Variants in DLG2 observed in about 807,000 individuals in gnomAD.
DLG2 encodes the protein discs large MAGUK scaffold protein 2.
DLG2 carries 45 observed loss-of-function variants against 132.5 expected under a neutral mutation model. The observed-to-expected ratio is 0.34, with a 90% CI of 0.27 to 0.44. The LOEUF is 0.44. Ranked by LOEUF, DLG2 falls within the 20% of genes least tolerant of loss-of-function variation. DLG2 has a pLI of 1.00. For missense variants in DLG2, 1,045 were observed against 1,196.9 expected (o/e 0.87, Z 1.87); for synonymous variants, 424 against 419.6 (o/e 1.01, Z -0.13).
chr11:84,411,680 G>T (rs2098905339), intron 7 of DLG2, among the ~76,000 whole-genome samples: 1 of 152,072 alleles, frequency 6.6e-6, no homozygotes, highest in Non-Finnish European at 1.5e-5. Context: ...ATTTTGTAAG[G>T]TGCAGAGAAC....
At position 84,543,491 on chromosome 11, in the gene DLG2, G is replaced by A. The variant is rs547017459; in HGVS notation, c.358-8760C>T. Among the ~76,000 whole-genome samples the A allele has an allele frequency of 1.1e-4, 17 of 152,076 alleles. No individual in the cohort carries two copies. The South Asian group carries it at 3.5e-3, about 32-fold the overall frequency. ...TTTACATTTATTTCTGTGATGATTC[G>A]CTGGATGTTTGTCTCCTCCACTGAA... is the stretch of plus-strand genomic sequence containing the variant. On this transcript the variant is annotated intron_variant, in intron 6 of 27. Coordinates refer to ENST00000376104, the MANE Select transcript of DLG2 (RefSeq NM_001142699.3).
intron 3 of DLG2, among the ~76,000 whole-genome samples, chr11:85,562,361 T>C (rs1055449142): frequency 4.0e-5 from 6 of 151,714 alleles, no homozygotes; most frequent in Non-Finnish European, 7.4e-5. Flanking sequence ...GAAGAGAAAA[T>C]GAGAGAAGGG....
chr11:83,899,181 A>T (rs1192426799), intron 15 of DLG2, among the ~76,000 whole-genome samples: 1 of 151,782 alleles, frequency 6.6e-6, no homozygotes, highest in African/African-American at 2.4e-5. Flanking sequence ...TTAGCCTATC[A>T]AGGGCATATC....
chr11:84,031,465 G>T (rs1258567023), intron 11 of DLG2, among the ~76,000 whole-genome samples: 1 of 152,142 alleles, frequency 6.6e-6, no homozygotes, highest in Non-Finnish European at 1.5e-5. Flanking sequence ...GCCTGAGATT[G>T]TATCAAAAGG....
chr11:84,229,660 C>T (rs1033976774), intron 8 of DLG2, among the ~76,000 whole-genome samples: 1 of 152,162 alleles, frequency 6.6e-6, no homozygotes. Flanking sequence ...GGTTTGAAGA[C>T]CCCTCTCTCA....
intron 6 of DLG2, among the ~76,000 whole-genome samples, chr11:84,908,581 G>A (rs1338190363): frequency 1.3e-5 from 2 of 151,928 alleles, no homozygotes; most frequent in Non-Finnish European, 2.9e-5. Context: ...TTCTCAGAAA[G>A]TTTCCCCTGT....
chr11:84,766,405 T>G (rs896454368), intron 6 of DLG2, among the ~76,000 whole-genome samples: 2 of 152,026 alleles, frequency 1.3e-5, no homozygotes, highest in African/African-American at 4.8e-5. Flanking sequence ...TTCTTTTTTC[T>G]TATCATCGCT....
chr11:84,626,868 T>TATTTTATTTTATTTTA (rs1374631524), intron 6 of DLG2, among the ~76,000 whole-genome samples: 1 of 146,888 alleles, frequency 6.8e-6, no homozygotes, highest in African/African-American at 2.6e-5. Context: ...TATTTTATTT[T>TATTTTATTTTATTTTA]ATTTTATTTT....
chr11:84,658,259 T>A (rs2099690545), intron 6 of DLG2, among the ~76,000 whole-genome samples: 1 of 152,146 alleles, frequency 6.6e-6, no homozygotes, highest in African/African-American at 2.4e-5. Context: ...TCCCTGATTA[T>A]CATGGAACTA....
intron 3 of DLG2, among the ~76,000 whole-genome samples, chr11:85,413,788 T>C (rs2089562900): frequency 6.6e-6 from 1 of 152,114 alleles, no homozygotes; most frequent in South Asian, 2.1e-4. Flanking sequence ...TGCCATGCTG[T>C]TTGGGTGACT....
At chr11:84,833,377 A>C (rs2079285895) in intron 6 of DLG2, among the ~76,000 whole-genome samples, 1 of 151,582 alleles carries the variant, frequency 6.6e-6, no homozygotes, top group Non-Finnish European at 1.5e-5. Context: ...AGGGAATAGA[A>C]TGGAATGAAA....
chr11:83,739,876 AG>A (rs1213765233), intron 18 of DLG2, among the ~76,000 whole-genome samples: 2 of 152,174 alleles, frequency 1.3e-5, no homozygotes, highest in Admixed American at 6.5e-5. Flanking sequence ...AGAGGTATGT[AG>A]GAAGTAGGCT....
intron 7 of DLG2, among the ~76,000 whole-genome samples, chr11:84,349,027 T>C (rs2098551044): frequency 6.6e-6 from 1 of 152,162 alleles, no homozygotes; most frequent in Non-Finnish European, 1.5e-5. Context: ...CAATTTGGGG[T>C]ACTTTGTTTT....
At chr11:83,882,317 T>A (rs1251188438) in intron 15 of DLG2, among the ~76,000 whole-genome samples, 2 of 152,162 alleles carry the variant, frequency 1.3e-5, no homozygotes, top group East Asian at 3.8e-4. Context: ...AAATTAAAAG[T>A]GTGGATGACT....
At chr11:83,715,148 T>G (rs546897078) in intron 18 of DLG2, among the ~76,000 whole-genome samples, 2 of 152,134 alleles carry the variant, frequency 1.3e-5, no homozygotes, top group Non-Finnish European at 2.9e-5. Flanking sequence ...TTTTAACTCC[T>G]TCCCTCTGGT....
intron 14 of DLG2, among the ~76,000 whole-genome samples, chr11:83,953,368 T>A (rs550265574): frequency 6.6e-6 from 1 of 152,152 alleles, no homozygotes; most frequent in Admixed American, 6.5e-5. Flanking sequence ...GCCCCTGGCA[T>A]TAGATTCTCA....
At chr11:85,475,455 C>T (rs2093112668) in intron 3 of DLG2, among the ~76,000 whole-genome samples, 1 of 151,912 alleles carries the variant, frequency 6.6e-6, no homozygotes, top group South Asian at 2.1e-4. Flanking sequence ...TGTGTCAAAA[C>T]TCTATAAAAT....
intron 6 of DLG2, among the ~76,000 whole-genome samples, chr11:84,703,857 G>GAC (rs1555174775): frequency 9.7e-6 from 1 of 102,714 alleles, no homozygotes; most frequent in African/African-American, 4.1e-5. Context: ...ATGTAGTGAA[G>GAC]ATATATATAT....
intron 6 of DLG2, among the ~76,000 whole-genome samples, chr11:85,048,520 T>C (rs2062575674): frequency 6.6e-6 from 1 of 151,962 alleles, no homozygotes; most frequent in Non-Finnish European, 1.5e-5. Flanking sequence ...TCCAGAGAAA[T>C]GTGAGAAATA....
Sources: allele counts gnomAD v4.1 joint callset (sites outside exome capture counted in the v4.1 genomes callset), GRCh38; gene constraint gnomAD v4.1.1; transcripts MANE v1.5; gene names NCBI Gene and HGNC (gene_info 2026-07-23, HGNC 2026-07-21).